Variants in EIF4E observed in about 807,000 individuals in gnomAD.
EIF4E encodes the protein eIF-4F 25 kDa subunit.
For synonymous variants in EIF4E, 71 were observed against 88.5 expected, an observed-to-expected ratio of 0.80 and a Z score of 1.11; for missense variants, 113 against 265.6, an observed-to-expected ratio of 0.43 and a Z score of 3.99.
chr4:98,921,051 A>C (rs182511115), intron 1 of EIF4E, among the ~76,000 whole-genome samples: 122 of 152,346 alleles, frequency 8.0e-4, no homozygotes, highest in African/African-American at 2.7e-3. Flanking sequence ...AAATTAAAAA[A>C]AAATTTTATA....
At chr4:98,909,215 A>C (rs939945304) in intron 1 of EIF4E, among the ~76,000 whole-genome samples, 1 of 152,262 alleles carries the variant, frequency 6.6e-6, no homozygotes, top group African/African-American at 2.4e-5. Flanking sequence ...ACAGCAGGAC[A>C]CTAAATACCC....
intron 1 of EIF4E, among the ~76,000 whole-genome samples, chr4:98,911,592 C>T (rs1318379020): frequency 1.5e-5 from 2 of 132,176 alleles, no homozygotes; most frequent in African/African-American, 5.8e-5. Context: ...ACCCGGGAGG[C>T]AGAGGTTGCA....
chr4:98,909,203 G>A (rs115451981), intron 1 of EIF4E, among the ~76,000 whole-genome samples: 1,751 of 152,262 alleles, frequency 0.011, 11 homozygotes, highest in Non-Finnish European at 0.02. Context: ...GTATTATTAT[G>A]CACAGCAGGA....
At chr4:98,922,342 G>C (rs1454396908) in intron 1 of EIF4E, among the ~76,000 whole-genome samples, 1 of 152,100 alleles carries the variant, frequency 6.6e-6, no homozygotes, top group Non-Finnish European at 1.5e-5. Flanking sequence ...CGGATCACGA[G>C]GTCAGGAGTT....
intron 1 of EIF4E, among the ~76,000 whole-genome samples, chr4:98,903,679 A>G (rs1724744840): frequency 6.6e-6 from 1 of 152,172 alleles, no homozygotes; most frequent in African/African-American, 2.4e-5. Context: ...CCCAGAACGG[A>G]GACCATGTCT....
intron 1 of EIF4E, among the ~76,000 whole-genome samples, chr4:98,902,701 A>G (rs1579166354): frequency 6.6e-6 from 1 of 152,178 alleles, no homozygotes; most frequent in Non-Finnish European, 1.5e-5. Flanking sequence ...TTTCAAGAGT[A>G]TAACAACTGT....
At chr4:98,923,319 CTTTTT>C (rs201405687) in intron 1 of EIF4E, among the ~76,000 whole-genome samples, 3 of 144,962 alleles carry the variant, frequency 2.1e-5, no homozygotes, top group Admixed American at 2.1e-4. Flanking sequence ...TTTTCTTTTT[CTTTTT>C]TTTTTTGGTG....
In EIF4E at chr4:98,917,112, ACACACACACACACACACACAC is replaced by A. The variant is rs1452994670; in HGVS notation, c.18+11962_18+11982del. The stretch of plus-strand genomic sequence containing the variant: ...CACACACACACACACACACACACAC[ACACACACACACACACACACAC>A]AAAAAAAACCCAAATGCTCAAGTGT... On this transcript the variant is annotated intron_variant, in intron 1 of 6. Transcript: ENST00000450253. 2.1e-4 allele frequency among the ~76,000 whole-genome samples: 17 copies of A among 80,180 alleles called. No individual in the cohort carries two copies. The East Asian group carries it at 9.0e-3, about 43-fold the overall frequency. 52.6% of individuals were successfully genotyped at this position (80,180 alleles called of 152,430 possible).
intron 1 of EIF4E, among the ~76,000 whole-genome samples, chr4:98,924,047 C>T (rs915265835): frequency 2.0e-5 from 3 of 151,850 alleles, no homozygotes; most frequent in African/African-American, 7.3e-5. Flanking sequence ...TGCAACTCAC[C>T]GGTACTAATA....
chr4:98,888,629 C>T (rs556758224), intron 3 of EIF4E, among the ~76,000 whole-genome samples: 2 of 152,248 alleles, frequency 1.3e-5, no homozygotes, highest in Admixed American at 6.5e-5. Context: ...AACAGAATAA[C>T]ATTTGCGATG....
chr4:98,925,374 A>G lies in EIF4E; in HGVS notation c.18+3721T>C, dbSNP rs529253457. ...GATGTAGAATGAAGATAAAGCTACA[A>G]AGAAACACGACCTACTGGAGGTAAG... On this transcript the variant is annotated intron_variant, in intron 1 of 6. Transcript: ENST00000450253. Among the ~76,000 whole-genome samples, 170 of 152,364 alleles carry G rather than the reference A, an allele frequency of 1.1e-3. 1 individual carries two copies. Among genetic ancestry groups the G allele is most frequent in the African/African-American group, 3.8e-3 (156 of 41,576 alleles).
chr4:98,898,684 T>G (rs1319866876), intron 2 of EIF4E, among the ~76,000 whole-genome samples: 3 of 152,194 alleles, frequency 2.0e-5, no homozygotes, highest in Non-Finnish European at 4.4e-5. Context: ...TGATAGATTT[T>G]CTAAACGAAT....
intron 2 of EIF4E, among the ~76,000 whole-genome samples, chr4:98,896,533 G>A (rs1441428567): frequency 6.8e-6 from 1 of 147,720 alleles, no homozygotes; most frequent in Non-Finnish European, 1.5e-5. Flanking sequence ...CCATGGTGGT[G>A]CACACCTGTG....
intron 6 of EIF4E, among the ~76,000 whole-genome samples, chr4:98,882,703 T>C (rs34906525): frequency 0.022 from 3,355 of 151,942 alleles, 64 homozygotes; most frequent in Non-Finnish European, 0.033. Flanking sequence ...CATTGAGTCA[T>C]GCAAATTGGA....
intron 1 of EIF4E, among the ~76,000 whole-genome samples, chr4:98,919,184 G>A (rs778108844): frequency 1.3e-5 from 2 of 152,030 alleles, no homozygotes; most frequent in Non-Finnish European, 2.9e-5. Flanking sequence ...GCGCACACCT[G>A]TAGTCCCAGC....
chr4:98,923,283 GACAC>G (rs550321308), intron 1 of EIF4E, among the ~76,000 whole-genome samples: 1 of 148,346 alleles, frequency 6.7e-6, no homozygotes, highest in East Asian at 2.0e-4. Context: ...TAGTATTTTA[GACAC>G]ACACACACAC....
intron 1 of EIF4E, among the ~76,000 whole-genome samples, chr4:98,919,125 G>A (rs1330156036): frequency 6.6e-6 from 1 of 151,998 alleles, no homozygotes; most frequent in African/African-American, 2.4e-5. Context: ...TAGCCAACGT[G>A]GTGAAATGCT....
rs201405687 is a variant in EIF4E, at chr4:98,923,319, C to CT, written c.18+5775dup. On this transcript the variant is annotated intron_variant, in intron 1 of 6. Coordinates refer to ENST00000450253, the MANE Select transcript of EIF4E (RefSeq NM_001968.5). ...ACACACGCAAAATCATTTTCTTTTT[C>CT]TTTTTTTTTTTGGTGAGATAGGGTC... 5.3e-3 allele frequency among the ~76,000 whole-genome samples: 775 copies of CT among 144,904 alleles called. 4 individuals are homozygous for CT. The highest frequency in any genetic ancestry group is 0.014 in the African/African-American group (575 of 39,850).
intron 1 of EIF4E, chr4:98,909,844 G>C: frequency 2.9e-6 from 2 of 682,282 alleles, no homozygotes; most frequent in Non-Finnish European, 5.3e-6. Flanking sequence ...GACAGGATCA[G>C]CCATGGTCCC....
Sources: allele counts gnomAD v4.1 joint callset (sites outside exome capture counted in the v4.1 genomes callset), GRCh38; gene constraint gnomAD v4.1.1; transcripts MANE v1.5; gene names NCBI Gene and HGNC (gene_info 2026-07-23, HGNC 2026-07-21).